Variants in GALNT17 observed in about 807,000 individuals in gnomAD.
GALNT17 encodes UDP-GalNAc:polypeptide N-acetylgalactosaminyltransferase-like 3.
In GALNT17, 29 loss-of-function variants were observed where a neutral mutation model predicts 63.7. That is an observed-to-expected ratio of 0.46 (90% CI 0.34 to 0.62). The LOEUF (loss-of-function observed/expected upper bound fraction) is 0.62, where lower values mean the gene tolerates loss of function less well. GALNT17 is among the 20% of genes least tolerant of loss of function. GALNT17 has a pLI of 0.01. For synonymous variants in GALNT17, 305 were observed against 318.3 expected (o/e 0.96, Z 0.45); for missense variants, 603 against 799.6 (o/e 0.75, Z 2.97).
chr7:71,664,280 C>T (rs144048760), intron 6 of GALNT17, among the ~76,000 whole-genome samples: 34 of 152,242 alleles, frequency 2.2e-4, no homozygotes, highest in Non-Finnish European at 3.2e-4. Context: ...GGCTTGGCAT[C>T]TGTACCTGTA....
intron 1 of GALNT17, among the ~76,000 whole-genome samples, chr7:71,201,700 C>T (rs1046021225): frequency 3.3e-5 from 5 of 149,642 alleles, no homozygotes; most frequent in South Asian, 2.1e-4. Context: ...GGCATGCTTT[C>T]GGCTCACTGC....
At chr7:71,300,973 G>C (rs1047912902) in intron 1 of GALNT17, 3 of 152,604 alleles carry the variant, frequency 2.0e-5, no homozygotes, top group Admixed American at 6.5e-5. Flanking sequence ...AATGAACAGT[G>C]TTTAATGTAT....
At chr7:71,352,850 A>C (rs923625017) in intron 2 of GALNT17, among the ~76,000 whole-genome samples, 2 of 152,180 alleles carry the variant, frequency 1.3e-5, no homozygotes, top group Non-Finnish European at 2.9e-5. Flanking sequence ...CGTGGAAGCC[A>C]GAAAAGGAGT....
intron 1 of GALNT17, among the ~76,000 whole-genome samples, chr7:71,302,953 C>T (rs1791227519): frequency 6.6e-6 from 1 of 152,038 alleles, no homozygotes; most frequent in Non-Finnish European, 1.5e-5. Context: ...CAGCCTCCAC[C>T]TCCTGGGTTC....
intron 5 of GALNT17, among the ~76,000 whole-genome samples, chr7:71,517,561 G>A (rs954591898): frequency 1.3e-5 from 2 of 152,138 alleles, no homozygotes; most frequent in African/African-American, 4.8e-5. Context: ...CTTCTAGCCA[G>A]CATTTTTTAA....
Position 71,213,925 on chromosome 7 carries a change from A to G in GALNT17, c.238+80885A>G, listed in dbSNP as rs1789427709. On this transcript the variant is annotated intron_variant, in intron 1 of 10. Coordinates refer to ENST00000333538, the MANE Select transcript of GALNT17 (RefSeq NM_022479.3). ...GAACCAAATTGCTCAGCAAACTCTC[A>G]TCTCTCTATACATCTGTTTAAACTT... Among the ~76,000 whole-genome samples, 3 of 152,106 alleles carry G rather than the reference A, an allele frequency of 2.0e-5. No individual in the cohort carries two copies. The South Asian group carries it at 6.2e-4, about 31-fold the overall frequency.
chr7:71,176,927 C>T (rs1295386486), intron 1 of GALNT17, among the ~76,000 whole-genome samples: 1 of 152,152 alleles, frequency 6.6e-6, no homozygotes, highest in Non-Finnish European at 1.5e-5. Flanking sequence ...GCCATGCCTG[C>T]CCTAAAGAGC....
intron 5 of GALNT17, among the ~76,000 whole-genome samples, chr7:71,472,692 A>AAAC (rs1787653011): frequency 6.6e-6 from 1 of 151,954 alleles, no homozygotes; most frequent in African/African-American, 2.4e-5. Context: ...CTCAAAAACT[A>AAAC]AACTAAACTA....
intron 5 of GALNT17, among the ~76,000 whole-genome samples, chr7:71,503,092 T>G (rs1183138029): frequency 6.6e-6 from 1 of 152,116 alleles, no homozygotes; most frequent in East Asian, 1.9e-4. Context: ...TTGGGCTACT[T>G]TTTTCCCCAT....
intron 6 of GALNT17, among the ~76,000 whole-genome samples, chr7:71,611,065 T>C (rs1269497403): frequency 1.3e-5 from 2 of 152,112 alleles, no homozygotes; most frequent in East Asian, 3.9e-4. Context: ...CTGTCTTCTT[T>C]ATGCTTCACA....
chr7:71,557,055 T>A (rs1789175961), intron 5 of GALNT17, among the ~76,000 whole-genome samples: 1 of 72,938 alleles, frequency 1.4e-5, no homozygotes, highest in East Asian at 3.3e-4. Flanking sequence ...CCCAGCTAAT[T>A]TTTTTTTTTT....
At chr7:71,260,079 C>A (rs1340845773) in intron 1 of GALNT17, among the ~76,000 whole-genome samples, 1 of 152,080 alleles carries the variant, frequency 6.6e-6, no homozygotes, top group African/African-American at 2.4e-5. Flanking sequence ...TGCTTTGTCC[C>A]ATGTGGACTT....
chr7:71,491,037 A>C (rs1187094554), intron 5 of GALNT17, among the ~76,000 whole-genome samples: 1 of 151,988 alleles, frequency 6.6e-6, no homozygotes, highest in South Asian at 2.1e-4. Context: ...TCTACTAAAA[A>C]TACAAAATTA....
intron 2 of GALNT17, among the ~76,000 whole-genome samples, chr7:71,352,488 A>G (rs1277252874): frequency 1.3e-5 from 2 of 152,332 alleles, no homozygotes; most frequent in Non-Finnish European, 2.9e-5. Context: ...AAGTGGTAAA[A>G]CTGAAAAACA....
At chr7:71,611,495 G>A (rs763925913) in intron 6 of GALNT17, among the ~76,000 whole-genome samples, 2 of 152,022 alleles carry the variant, frequency 1.3e-5, no homozygotes, top group Non-Finnish European at 2.9e-5. Flanking sequence ...TAGCTTATAC[G>A]CTTCTGTGCC....
chr7:71,425,688 C>T (rs999869498), intron 5 of GALNT17, among the ~76,000 whole-genome samples: 7 of 152,312 alleles, frequency 4.6e-5, no homozygotes, highest in African/African-American at 1.7e-4. Context: ...TTACACTCAA[C>T]TCCTTGGAGA....
rs566124003 is a variant in GALNT17, at chr7:71,330,124, T to G, written c.239-5426T>G. ...ATCTCCCAGGTTCAAATGATTCTCC[T>G]GCCTCAACCTCACAAGTAGCTGGGA... On this transcript the variant is annotated intron_variant, in intron 1 of 10. Coordinates refer to ENST00000333538, the MANE Select transcript of GALNT17 (RefSeq NM_022479.3). 4.6e-5 allele frequency among the ~76,000 whole-genome samples: 7 copies of G among 151,506 alleles called. No homozygotes were observed. The South Asian group carries it at 1.5e-3, about 32-fold the overall frequency.
intron 5 of GALNT17, among the ~76,000 whole-genome samples, chr7:71,464,916 G>C (rs1787510849): frequency 2.0e-5 from 3 of 152,216 alleles, no homozygotes; most frequent in Admixed American, 1.3e-4. Flanking sequence ...TAAGTAAAGA[G>C]ACAAGGTGTT....
At chr7:71,210,347 A>G (rs745781504) in intron 1 of GALNT17, among the ~76,000 whole-genome samples, 3 of 151,942 alleles carry the variant, frequency 2.0e-5, no homozygotes, top group Non-Finnish European at 2.9e-5. Context: ...TCATTGCCCA[A>G]GTTGGTTTTG....
Sources: gnomAD v4.1 joint callset for allele counts (sites outside exome capture counted in the v4.1 genomes callset) on GRCh38, gnomAD v4.1.1 for gene constraint, MANE v1.5 for transcripts, NCBI Gene and HGNC (gene_info 2026-07-23, HGNC 2026-07-21) for gene names.